The following RPS6KB1 variants were observed in gnomAD, a reference collection of about 807,000 sequenced individuals.
RPS6KB1 encodes the protein ribosomal protein S6 kinase beta-1.
In RPS6KB1, 12 loss-of-function variants were observed where a neutral mutation model predicts 70.2. That is an observed-to-expected ratio of 0.17 (90% CI 0.11 to 0.28). RPS6KB1 has a LOEUF of 0.28. RPS6KB1 is among the 10% of genes least tolerant of loss of function. The probability of loss-of-function intolerance (pLI) is 1.00; values close to 1 mark genes in which losing one functional copy is unlikely to be tolerated. For missense variants in RPS6KB1, 270 were observed against 646.6 expected, an observed-to-expected ratio of 0.42 and a Z score of 6.32; for synonymous variants, 175 against 211.2, an observed-to-expected ratio of 0.83 and a Z score of 1.49.
intron 1 of RPS6KB1, among the ~76,000 whole-genome samples, chr17:59,895,979 C>T (rs1442323393): frequency 6.6e-6 from 1 of 152,106 alleles, no homozygotes; most frequent in Admixed American, 6.6e-5. Context: ...TCCAATTAGC[C>T]TCTTAATCGA....
intron 3 of RPS6KB1, among the ~76,000 whole-genome samples, chr17:59,913,275 C>A (rs1310532673): frequency 5.3e-5 from 8 of 152,100 alleles, no homozygotes; most frequent in African/African-American, 1.2e-4. Context: ...CAGTTTTGCC[C>A]AAGGCTTTAC....
rs761501101 is a variant in RPS6KB1, at chr17:59,934,162, C to T, written c.689-8C>T. Reference sequence around the variant, plus strand: ...GGAGAATAATCATGCTGTAATCTTTCATTGTAGGTCATGTGAAACTAACAG... The same window carrying T: ...GGAGAATAATCATGCTGTAATCTTTTATTGTAGGTCATGTGAAACTAACAG... On this transcript the variant is annotated splice_polypyrimidine_tract_variant and splice_region_variant and intron_variant, in intron 7 of 14. Coordinates refer to ENST00000225577, the MANE Select transcript of RPS6KB1 (RefSeq NM_003161.4). The surrounding 1 kb of genome is among the most constrained non-coding windows in gnomAD (Gnocchi z 4.8). 6 of 1,521,602 alleles carry T rather than the reference C, an allele frequency of 3.9e-6. No homozygotes were observed. Among genetic ancestry groups the T allele is most frequent in the Non-Finnish European group, 9.1e-7 (1 of 1,096,068 alleles). The allele number at this position is 1,521,602 out of a possible 1,614,324, so 94.3% of individuals were successfully genotyped here. A position where few individuals can be genotyped will look rare whatever the true frequency, so the allele number is the denominator to read the frequency against.
Position 59,893,834 on chromosome 17 carries a change from T to C in RPS6KB1, c.141+509T>C, listed in dbSNP as rs551319328. ...GTTAGAAGTGACAGCTGAAAACTTC[T>C]GTCGGGAGTAGCACTGCCGCTGCTG... On this transcript the variant is annotated intron_variant, in intron 1 of 14. Transcript: ENST00000225577. The surrounding 1 kb of genome is among the most constrained non-coding windows in gnomAD (Gnocchi z 4.1). 1 of 986,176 alleles carries C rather than the reference T, an allele frequency of 1.0e-6. No individual in the cohort carries two copies. Among genetic ancestry groups the C allele is most frequent in the East Asian group, 1.1e-4 (1 of 8,830 alleles). The allele number at this position is 986,176 out of a possible 1,614,324, so 61.1% of individuals were successfully genotyped here. A position where few individuals can be genotyped will look rare whatever the true frequency, so the allele number is the denominator to read the frequency against.
intron 13 of RPS6KB1, 50 bp downstream of exon 13, chr17:59,940,993 G>T (rs1239732028): frequency 8.5e-7 from 1 of 1,170,856 alleles, no homozygotes; most frequent in African/African-American, 1.5e-5. Flanking sequence ...GTGTGAGGAT[G>T]GGCTCTTCAA....
intron 4 of RPS6KB1, among the ~76,000 whole-genome samples, chr17:59,921,577 A>G (rs887813727): frequency 2.6e-5 from 4 of 152,118 alleles, no homozygotes; most frequent in Non-Finnish European, 5.9e-5. Context: ...AGAACCAGGT[A>G]TCCCCTTAAG....
Position 59,950,207 on chromosome 17 carries a change from G to C in RPS6KB1, c.*3419G>C, listed in dbSNP as rs2045137832. ...TATCCGGAATAACATCTGAAAGATG[G>C]GTTCATCTATGTTTGTGTTTGCTCT... On this transcript the variant is annotated 3_prime_UTR_variant, in exon 15 of 15. Transcript: ENST00000225577. 6.6e-6 allele frequency: 1 copy of C among 152,456 alleles called. No individual in the cohort carries two copies. Among genetic ancestry groups the C allele is most frequent in the Non-Finnish European group, 1.5e-5 (1 of 67,928 alleles). The allele number at this position is 152,456 out of a possible 1,614,324, so 9.4% of individuals were successfully genotyped here. A position where few individuals can be genotyped will look rare whatever the true frequency, so the allele number is the denominator to read the frequency against.
At chr17:59,931,346 G>A in intron 6 of RPS6KB1, 1 of 346,730 alleles carries the variant, frequency 2.9e-6, no homozygotes. Flanking sequence ...CATGACCAAT[G>A]GCAGTTTAGC....
intron 1 of RPS6KB1, among the ~76,000 whole-genome samples, chr17:59,905,926 G>C (rs894290517): frequency 6.6e-6 from 1 of 152,090 alleles, no homozygotes; most frequent in Non-Finnish European, 1.5e-5. Context: ...CGATAGCTGG[G>C]ACTACAGGCA....
chr17:59,945,185 A>G (rs147496054), intron 13 of RPS6KB1: 5 of 375,992 alleles, frequency 1.3e-5, no homozygotes, highest in African/African-American at 2.1e-5. Flanking sequence ...GTTTGCTAGC[A>G]TATCAGGCTC....
At chr17:59,915,240 C>T (rs1476736725) in intron 4 of RPS6KB1, among the ~76,000 whole-genome samples, 3 of 151,952 alleles carry the variant, frequency 2.0e-5, no homozygotes, top group East Asian at 3.9e-4. Context: ...CCACCTGCCT[C>T]GGCATCCCAA....
In RPS6KB1 at chr17:59,904,693, A is replaced by G. The variant is rs1598662777; in HGVS notation, c.142-5869A>G. On this transcript the variant is annotated intron_variant, in intron 1 of 14. Coordinates refer to ENST00000225577, the MANE Select transcript of RPS6KB1 (RefSeq NM_003161.4). ...ATAGGCATGAGCCACTGCACCTGGC[A>G]TTCTGTTTTTTTTTTTTTTTTGAGG... Among the ~76,000 whole-genome samples, 3 of 98,652 alleles carry G rather than the reference A, an allele frequency of 3.0e-5. No individual in the cohort carries two copies. The South Asian group carries it at 8.9e-4, about 29-fold the overall frequency. The allele number at this position is 98,652 out of a possible 152,430, so 64.7% of individuals were successfully genotyped here.
chr17:59,918,829 C>CTTTT (rs35207575), intron 4 of RPS6KB1, among the ~76,000 whole-genome samples: 18 of 119,060 alleles, frequency 1.5e-4, no homozygotes, highest in Non-Finnish European at 1.9e-4. Flanking sequence ...ACTGATTATT[C>CTTTT]TTTTTTTTTT....
At chr17:59,898,674 C>T (rs1168236336) in intron 1 of RPS6KB1, among the ~76,000 whole-genome samples, 1 of 151,190 alleles carries the variant, frequency 6.6e-6, no homozygotes, top group Non-Finnish European at 1.5e-5. Flanking sequence ...CCAGGCTGGT[C>T]TCAAACTCTT....
chr17:59,901,617 C>G (rs1353585249), intron 1 of RPS6KB1, among the ~76,000 whole-genome samples: 2 of 136,184 alleles, frequency 1.5e-5, no homozygotes, highest in Non-Finnish European at 3.1e-5. Context: ...TAACAGCACC[C>G]TGTCTCTGAA....
chr17:59,939,829 T>C (rs919716118), intron 12 of RPS6KB1, among the ~76,000 whole-genome samples: 1 of 152,228 alleles, frequency 6.6e-6, no homozygotes, highest in Admixed American at 6.5e-5. Context: ...AAGGTCAATG[T>C]GGTCATCTTT....
chr17:59,912,200 G>T, intron 2 of RPS6KB1: 1 of 197,938 alleles, frequency 5.1e-6, no homozygotes, highest in South Asian at 8.3e-5. Flanking sequence ...GAGCAAGATG[G>T]GTCACCAGCA....
chr17:59,906,206 T>C (rs1229503793), intron 1 of RPS6KB1, among the ~76,000 whole-genome samples: 2 of 152,222 alleles, frequency 1.3e-5, no homozygotes, highest in Non-Finnish European at 2.9e-5. Context: ...CTTAATTCTA[T>C]TCTGTTGATC....
intron 13 of RPS6KB1, among the ~76,000 whole-genome samples, chr17:59,943,097 A>G (rs2044710961): frequency 2.6e-5 from 4 of 152,224 alleles, no homozygotes; most frequent in Admixed American, 2.6e-4. Flanking sequence ...ATAAATTAAT[A>G]TAGAGCACAT....
At chr17:59,898,110 T>A (rs1287171621) in intron 1 of RPS6KB1, among the ~76,000 whole-genome samples, 1 of 152,142 alleles carries the variant, frequency 6.6e-6, no homozygotes, top group Non-Finnish European at 1.5e-5. Context: ...GGCAGTAAAT[T>A]GAAACTAAGG....
Sources: allele counts gnomAD v4.1 joint callset (sites outside exome capture counted in the v4.1 genomes callset), GRCh38; gene constraint gnomAD v4.1.1; non-coding constraint Gnocchi (gnomAD v3.1); transcripts MANE v1.5; gene names NCBI Gene and HGNC (gene_info 2026-07-23, HGNC 2026-07-21).